Variants in CAMK1D observed in about 807,000 individuals in gnomAD.
The protein encoded by CAMK1D is calcium/calmodulin-dependent protein kinase type 1D.
A neutral mutation model predicts 47.7 loss-of-function variants in CAMK1D; 9 were observed. That is an observed-to-expected ratio of 0.19 (90% CI 0.11 to 0.33). The LOEUF (loss-of-function observed/expected upper bound fraction) is 0.33, where lower values mean the gene tolerates loss of function less well. Among genes scored for constraint, CAMK1D ranks in the 10% least tolerant of loss-of-function variants. The pLI is 1.00. For missense variants in CAMK1D, 291 were observed against 488.7 expected (o/e 0.60, Z 3.81); for synonymous variants, 184 against 184.9 (o/e 0.99, Z 0.04).
chr10:12,710,879 A>C (rs182376251), intron 3 of CAMK1D, among the ~76,000 whole-genome samples: 43 of 152,298 alleles, frequency 2.8e-4, no homozygotes, highest in African/African-American at 1.0e-3. Context: ...AGTTATCCAA[A>C]TGTCTGTTGC....
intron 1 of CAMK1D, among the ~76,000 whole-genome samples, chr10:12,426,941 C>T (rs922443165): frequency 1.3e-5 from 2 of 152,156 alleles, no homozygotes; most frequent in African/African-American, 4.8e-5. Context: ...TCTTGATCTC[C>T]TGACTTCAAG....
intron 2 of CAMK1D, among the ~76,000 whole-genome samples, chr10:12,583,419 G>T (rs1837719990): frequency 6.6e-6 from 1 of 152,156 alleles, no homozygotes; most frequent in Non-Finnish European, 1.5e-5. Flanking sequence ...AAACAGCAAA[G>T]ATGATGCTTT....
intron 3 of CAMK1D, among the ~76,000 whole-genome samples, chr10:12,680,341 G>A (rs1051472545): frequency 6.6e-6 from 1 of 152,174 alleles, no homozygotes; most frequent in Non-Finnish European, 1.5e-5. Context: ...TCAGCGCCTG[G>A]TCTCTCTGGG....
intron 4 of CAMK1D, 150 bp from the exon 5 acceptor site, chr10:12,769,523 A>T (rs564888807): frequency 5.3e-6 from 4 of 750,314 alleles, no homozygotes; most frequent in East Asian, 2.7e-5. Context: ...CACTGTTTCT[A>T]TTGGCCGCCG....
At chr10:12,685,956 A>C (rs45496595) in intron 3 of CAMK1D, among the ~76,000 whole-genome samples, 6 of 152,082 alleles carry the variant, frequency 3.9e-5, no homozygotes, top group African/African-American at 1.4e-4. Flanking sequence ...CTTCCAGACT[A>C]CAGCTGCCCC....
chr10:12,360,230 A>G (rs1269455648), intron 1 of CAMK1D, among the ~76,000 whole-genome samples: 1 of 152,252 alleles, frequency 6.6e-6, no homozygotes, highest in African/African-American at 2.4e-5. Flanking sequence ...TTGGTGCTGT[A>G]AATGGAATCC....
At chr10:12,635,580 G>C (rs768479644) in intron 2 of CAMK1D, among the ~76,000 whole-genome samples, 56 of 152,268 alleles carry the variant, frequency 3.7e-4, no homozygotes, top group Non-Finnish European at 6.6e-4. Context: ...ATCTTGCTGG[G>C]GGGGAAGAGG....
At chr10:12,688,976 C>A (rs1422206677) in intron 3 of CAMK1D, among the ~76,000 whole-genome samples, 1 of 152,254 alleles carries the variant, frequency 6.6e-6, no homozygotes, top group African/African-American at 2.4e-5. Context: ...AGCCACCACG[C>A]CCAGCCCATT....
In CAMK1D at chr10:12,453,579, A is replaced by G. The variant is rs532700101; in HGVS notation, c.93-99646A>G. Among the ~76,000 whole-genome samples the G allele has an allele frequency of 2.0e-5, 3 of 152,286 alleles. No individual in the cohort carries two copies. In the East Asian group the frequency reaches 5.8e-4, roughly 29 times the overall value. On this transcript the variant is annotated intron_variant, in intron 1 of 10. Transcript: ENST00000619168. ...CATTCATCTGTCCATGGACTGTCTG[A>G]GTAACCTTTTGGCTATTGTGAATCA... is the stretch of plus-strand genomic sequence containing the variant.
chr10:12,536,169 A>G (rs1263253910), intron 1 of CAMK1D, among the ~76,000 whole-genome samples: 2 of 152,096 alleles, frequency 1.3e-5, no homozygotes, highest in African/African-American at 2.4e-5. Context: ...ACAGATTACC[A>G]TGTACCCACC....
rs141322057 is a variant in CAMK1D at position 12,537,339 on chromosome 10, T to C, written c.93-15886T>C. Among the ~76,000 whole-genome samples, 1,099 of 152,318 alleles carry C rather than the reference T, an allele frequency of 7.2e-3. 27 individuals are homozygous for C. Among genetic ancestry groups the C allele is most frequent in the East Asian group, 0.045 (236 of 5,192 alleles). On this transcript the variant is annotated intron_variant, in intron 1 of 10. Coordinates refer to ENST00000619168, the MANE Select transcript of CAMK1D (RefSeq NM_153498.4). ...CGCCTGCCTTGACCTCCCAAAGTGG[T>C]AGGATTGCAGAAGTGAACCACCGCA...
chr10:12,773,992 T>C (rs939234789), intron 5 of CAMK1D, among the ~76,000 whole-genome samples: 16 of 149,422 alleles, frequency 1.1e-4, no homozygotes, highest in African/African-American at 3.5e-4. Flanking sequence ...GCTTAATGTA[T>C]GCTAAGGGCT....
chr10:12,759,483 T>C (rs1370455716), intron 3 of CAMK1D, among the ~76,000 whole-genome samples: 1 of 152,186 alleles, frequency 6.6e-6, no homozygotes, highest in Non-Finnish European at 1.5e-5. Flanking sequence ...GGGAAGGTTC[T>C]TGAAAAATGA....
chr10:12,791,135 G>T (rs771309408), intron 5 of CAMK1D, 23 bp from the exon 6 acceptor site: 1 of 1,612,704 alleles, frequency 6.2e-7, no homozygotes, highest in Non-Finnish European at 8.5e-7. Context: ...GTCAGGCTGT[G>T]TCTTTTCTTT....
intron 6 of CAMK1D, 85 bp from the exon 7 acceptor site, chr10:12,814,110 T>C: frequency 1.1e-6 from 1 of 877,052 alleles, no homozygotes; most frequent in Non-Finnish European, 1.9e-6. Context: ...ACTCAGTTGG[T>C]AATGTCTCTT....
chr10:12,675,572 C>T (rs1160186600), intron 3 of CAMK1D, among the ~76,000 whole-genome samples: 2 of 152,216 alleles, frequency 1.3e-5, no homozygotes, highest in African/African-American at 4.8e-5. Flanking sequence ...ACAACAAACA[C>T]AACCACTTTT....
intron 2 of CAMK1D, among the ~76,000 whole-genome samples, chr10:12,590,157 G>A (rs2399880): frequency 0.12 from 18,883 of 152,202 alleles, 1,236 homozygotes; most frequent in South Asian, 0.25. Flanking sequence ...TCTTGCTGCG[G>A]AGTTAATGAT....
chr10:12,703,657 T>C (rs905007705), intron 3 of CAMK1D, among the ~76,000 whole-genome samples: 10 of 152,052 alleles, frequency 6.6e-5, no homozygotes, highest in African/African-American at 9.7e-5. Context: ...TCACCTGAGG[T>C]CAGGAGTTCG....
chr10:12,363,157 T>C (rs1837729036), intron 1 of CAMK1D, among the ~76,000 whole-genome samples: 1 of 145,184 alleles, frequency 6.9e-6, no homozygotes, highest in Non-Finnish European at 1.5e-5. Context: ...GTCAGGCTGG[T>C]CTTGAACTCT....
Sources: allele counts gnomAD v4.1 joint callset (sites outside exome capture counted in the v4.1 genomes callset), GRCh38; gene constraint gnomAD v4.1.1; transcripts MANE v1.5; gene names NCBI Gene and HGNC (gene_info 2026-07-23, HGNC 2026-07-21).